Variants in TBC1D8 observed in about 807,000 individuals in gnomAD.
TBC1D8 encodes the protein BUB2-like protein 1.
In TBC1D8, 65 loss-of-function variants were observed where a neutral mutation model predicts 118.8. That is an observed-to-expected ratio of 0.55 (90% CI 0.45 to 0.67). The LOEUF is 0.67. Ranked by LOEUF, TBC1D8 falls within the 30% of genes least tolerant of loss-of-function variation. The pLI, the probability that TBC1D8 is intolerant of heterozygous loss-of-function variation, is 0.00. For synonymous variants in TBC1D8, 566 were observed against 595.8 expected (o/e 0.95, Z 0.73); for missense variants, 1,376 against 1,471.2 (o/e 0.94, Z 1.06).
intron 5 of TBC1D8, among the ~76,000 whole-genome samples, chr2:101,049,022 T>A (rs1681885836): frequency 6.6e-6 from 1 of 152,308 alleles, no homozygotes; most frequent in East Asian, 1.9e-4. Flanking sequence ...GACACTCAGA[T>A]TGCTTCTACC....
rs769601519 is a variant in TBC1D8 at position 101,040,235 on chromosome 2, G to A, written c.1023C>T (p.Tyr341=). 1.2e-6 allele frequency: 2 copies of A among 1,614,020 alleles called. No individual in the cohort carries two copies. Among genetic ancestry groups the A allele is most frequent in the East Asian group, 4.5e-5 (2 of 44,864 alleles). ...TTGRMFASDS[Y]ICFASREDGC... is the part of the protein sequence containing the mutation. ...CATCTTCTCTGCTGGCAAAGCAGAT[G>A]TAGCTGTCAGAGGCGAACATCCGCC... is the stretch of plus-strand genomic sequence containing the variant. Residue 341 remains tyrosine, a synonymous_variant, in exon 6 of 20, where the codon TAC becomes TAT. Coordinates refer to ENST00000409318, the MANE Select transcript of TBC1D8 (RefSeq NM_001330348.2).
At chr2:101,113,650 T>C (rs895841936) in intron 1 of TBC1D8, among the ~76,000 whole-genome samples, 2 of 152,090 alleles carry the variant, frequency 1.3e-5, no homozygotes, top group Non-Finnish European at 2.9e-5. Context: ...CTGTACATAA[T>C]AAAAGGCAGG....
chr2:101,009,361 G>A (rs757333895), intron 19 of TBC1D8, among the ~76,000 whole-genome samples: 22 of 150,472 alleles, frequency 1.5e-4, no homozygotes, highest in Admixed American at 2.0e-4. Context: ...AGCCGAGATC[G>A]TGCCACTGCA....
rs1421937810 is a variant in TBC1D8, at chr2:101,038,510, AC to A, written c.1225del (p.Val409SerfsTer38). 6.2e-7 allele frequency: 1 copy of A among 1,613,566 alleles called. No homozygotes were observed. Among genetic ancestry groups the A allele is most frequent in the Non-Finnish European group, 8.5e-7 (1 of 1,179,880 alleles). On this transcript the variant is annotated frameshift_variant, in exon 7 of 20. Transcript: ENST00000409318. LOFTEE classifies it high-confidence loss of function. ...GTAGTGCACGGGGTGGTTGGCGTGG[AC>A]CTGCTTCAACCTCGCAAGCAGCGCC... ...VEALLARLKQVHANHPVHYDT... is the reference protein window; with the variant it reads ...VEALLARLKQXHANHPVHYDT...
chr2:101,021,537 T>C lies in TBC1D8; in HGVS notation c.2827+144A>G, dbSNP rs796460643. The C allele has an allele frequency of 1.6e-5, 10 of 613,216 alleles. No homozygotes were observed. In the African/African-American group the frequency reaches 1.9e-4, roughly 11 times the overall value. The allele number at this position is 613,216 out of a possible 1,614,324, so 38.0% of individuals were successfully genotyped here. A position where few individuals can be genotyped will look rare whatever the true frequency, so the allele number is the denominator to read the frequency against. On this transcript the variant is annotated intron_variant, in intron 17 of 19. Transcript: ENST00000409318. ...GCTGTGCAGCACAGAACTCCAAACC[T>C]GTGACCTGAAACCCCAAGCCAGAAA...
At chr2:101,032,123 G>T in intron 11 of TBC1D8, 145 bp downstream of exon 11, 1 of 710,230 alleles carries the variant, frequency 1.4e-6, no homozygotes, top group Non-Finnish European at 2.4e-6. Context: ...AGTTAGTTTT[G>T]CAAATTCAGG....
Position 101,143,720 on chromosome 2 carries a change from C to T in TBC1D8, c.127+7407G>A, listed in dbSNP as rs544432189. Among the ~76,000 whole-genome samples, 3 of 152,246 alleles carry T rather than the reference C, an allele frequency of 2.0e-5. 1 individual carries two copies. The highest frequency in any genetic ancestry group is 4.8e-5 in the African/African-American group (2 of 41,566). On this transcript the variant is annotated intron_variant, in intron 1 of 19. Transcript: ENST00000409318. Reference sequence around the variant, plus strand: ...GACTACAGGCACACGCCACCATGCTCGGCTAATTTTCTGTATTTTTTTGTA... The same window carrying T: ...GACTACAGGCACACGCCACCATGCTTGGCTAATTTTCTGTATTTTTTTGTA...
At chr2:101,095,393 T>TCCCC (rs34728768) in intron 1 of TBC1D8, among the ~76,000 whole-genome samples, 1 of 127,988 alleles carries the variant, frequency 7.8e-6, no homozygotes, top group Admixed American at 7.7e-5. Context: ...TAATGCTATC[T>TCCCC]CCCCCCCCCT....
At chr2:101,020,870 C>T (rs537963390) in intron 17 of TBC1D8, among the ~76,000 whole-genome samples, 2 of 152,300 alleles carry the variant, frequency 1.3e-5, no homozygotes, top group Middle Eastern at 6.8e-3. Flanking sequence ...CTGTTAGTCC[C>T]TCATTAGCCA....
At chr2:101,143,669 T>C (rs1341399217) in intron 1 of TBC1D8, among the ~76,000 whole-genome samples, 2 of 151,914 alleles carry the variant, frequency 1.3e-5, no homozygotes, top group African/African-American at 4.8e-5. Context: ...AGGTGATTCT[T>C]TCACCTCAGC....
intron 5 of TBC1D8, among the ~76,000 whole-genome samples, chr2:101,040,928 G>A (rs1259574687): frequency 6.6e-6 from 1 of 152,260 alleles, no homozygotes; most frequent in Admixed American, 6.5e-5. Flanking sequence ...TCTCTGCACA[G>A]CAGTAATTTA....
intron 1 of TBC1D8, among the ~76,000 whole-genome samples, chr2:101,094,179 C>A (rs1259560352): frequency 6.6e-6 from 1 of 152,140 alleles, no homozygotes; most frequent in Non-Finnish European, 1.5e-5. Context: ...GCAAATACTC[C>A]TTAGGCTGCT....
At chr2:101,103,386 C>CTT (rs1283175756) in intron 1 of TBC1D8, among the ~76,000 whole-genome samples, 26 of 131,742 alleles carry the variant, frequency 2.0e-4, no homozygotes, top group African/African-American at 7.0e-4. Context: ...TCAAGAACTT[C>CTT]TTTTTTTTTT....
intron 1 of TBC1D8, among the ~76,000 whole-genome samples, chr2:101,146,798 AAAACAGCAGAACTT>A (rs1679337277): frequency 6.6e-6 from 1 of 152,208 alleles, no homozygotes. Flanking sequence ...ACTGTGCAAG[AAAACAGCAGAACTT>A]ACTTCTCCTA....
chr2:101,074,887 C>T (rs1466362558), intron 2 of TBC1D8, among the ~76,000 whole-genome samples: 1 of 152,170 alleles, frequency 6.6e-6, no homozygotes, highest in Admixed American at 6.5e-5. Context: ...GAGGCAATGA[C>T]AACCCAGTAA....
chr2:101,078,436 A>C (rs904247685), intron 2 of TBC1D8, among the ~76,000 whole-genome samples: 1 of 152,208 alleles, frequency 6.6e-6, no homozygotes, highest in Non-Finnish European at 1.5e-5. Flanking sequence ...GTCCAGGGAC[A>C]ACAAGGAATC....
At chr2:101,051,326 T>C (rs1175037858) in intron 4 of TBC1D8, among the ~76,000 whole-genome samples, 1 of 152,198 alleles carries the variant, frequency 6.6e-6, no homozygotes, top group African/African-American at 2.4e-5. Context: ...CTTTGAAGAA[T>C]TGCCACACTG....
intron 2 of TBC1D8, among the ~76,000 whole-genome samples, chr2:101,072,859 C>T (rs537871525): frequency 7.2e-5 from 11 of 152,230 alleles, no homozygotes; most frequent in African/African-American, 2.4e-4. Context: ...CTCAGCCATT[C>T]AAGAGGGATC....
intron 5 of TBC1D8, among the ~76,000 whole-genome samples, chr2:101,045,570 C>T (rs1681647095): frequency 6.6e-6 from 1 of 152,222 alleles, no homozygotes; most frequent in Non-Finnish European, 1.5e-5. Flanking sequence ...CCCATGTGTG[C>T]ACTAGACAGA....
Sources: gnomAD v4.1 joint callset for allele counts (sites outside exome capture counted in the v4.1 genomes callset) on GRCh38, gnomAD v4.1.1 for gene constraint, MANE v1.5 for transcripts, NCBI Gene and HGNC (gene_info 2026-07-23, HGNC 2026-07-21) for gene names.